MYO1B: variants seen among roughly 807,000 people sequenced by gnomAD.
MYO1B encodes unconventional myosin-Ib.
MYO1B carries 72 observed loss-of-function variants against 159.7 expected under a neutral mutation model. The ratio of observed to expected loss-of-function variants is 0.45; its 90% CI spans 0.37 to 0.55. The LOEUF (loss-of-function observed/expected upper bound fraction) is 0.55, where lower values mean the gene tolerates loss of function less well. Among genes scored for constraint, MYO1B ranks in the 20% least tolerant of loss-of-function variants. The probability of loss-of-function intolerance (pLI) is 0.00; values close to 1 mark genes in which losing one functional copy is unlikely to be tolerated. For missense variants in MYO1B, 1,062 were observed against 1,364.8 expected (o/e 0.78, Z 3.50); for synonymous variants, 468 against 473.8 (o/e 0.99, Z 0.16).
chr2:191,373,852 C>A (rs76119832), intron 13 of MYO1B, among the ~76,000 whole-genome samples: 2,410 of 152,192 alleles, frequency 0.016, 62 homozygotes, highest in African/African-American at 0.055. Flanking sequence ...TTTTTCCCCC[C>A]AGTTCCTTGA....
intron 1 of MYO1B, among the ~76,000 whole-genome samples, chr2:191,259,962 G>A (rs1686694494): frequency 6.6e-6 from 1 of 152,120 alleles, no homozygotes; most frequent in Admixed American, 6.5e-5. Context: ...AGGGGATCAT[G>A]GGCAGCTACG....
intron 13 of MYO1B, among the ~76,000 whole-genome samples, chr2:191,373,605 C>T (rs1350723001): frequency 6.6e-6 from 1 of 152,190 alleles, no homozygotes; most frequent in Non-Finnish European, 1.5e-5. Flanking sequence ...GAAACCCTGT[C>T]TCTACTAAAA....
At chr2:191,419,114 CCTA>C (rs932057989) in intron 30 of MYO1B, among the ~76,000 whole-genome samples, 21 of 152,220 alleles carry the variant, frequency 1.4e-4, no homozygotes, top group African/African-American at 4.8e-4. Flanking sequence ...TGTAAACAAA[CCTA>C]CTTCACTGCC....
At chr2:191,309,532 A>G (rs1047281143) in intron 3 of MYO1B, among the ~76,000 whole-genome samples, 1 of 152,152 alleles carries the variant, frequency 6.6e-6, no homozygotes, top group Non-Finnish European at 1.5e-5. Context: ...TGCTGCTCAC[A>G]AAACCTGCAG....
intron 9 of MYO1B, 99 bp downstream of exon 9, chr2:191,362,470 T>TG: frequency 1.2e-6 from 1 of 808,292 alleles, no homozygotes; most frequent in South Asian, 2.1e-5. Context: ...GTGTAGCTCA[T>TG]TCTCCCTAAG....
intron 2 of MYO1B, among the ~76,000 whole-genome samples, chr2:191,289,085 A>G (rs1450583080): frequency 6.6e-6 from 1 of 152,178 alleles, no homozygotes; most frequent in Non-Finnish European, 1.5e-5. Context: ...GAGAGCAAAC[A>G]TTTTCCCTAT....
chr2:191,402,632 G>C lies in MYO1B; in HGVS notation c.2470G>C (p.Ala824Pro). The C allele has an allele frequency of 6.2e-7, 1 of 1,613,226 alleles. No individual in the cohort carries two copies. The highest frequency in any genetic ancestry group is 8.5e-7 in the Non-Finnish European group (1 of 1,179,488). The change falls in exon 24 of 31, where the codon GCT becomes CCT. Residue 824 changes from alanine to proline, a missense_variant and splice_region_variant. Transcript: ENST00000392318. Reference sequence around the variant, plus strand: ...TTATTTACTATCTAAAACATTCTAGGCTCGAAGGGAATTGAAACGCTTGAA... The same window carrying C: ...TTATTTACTATCTAAAACATTCTAGCCTCGAAGGGAATTGAAACGCTTGAA... The part of the protein sequence containing the change: ...VIWAYWLGSK[A>P]RRELKRLKEE...
At position 191,364,205 on chromosome 2, in the gene MYO1B, G is replaced by A. The variant is rs759473284; in HGVS notation, c.961G>A (p.Glu321Lys). 6.2e-7 allele frequency: 1 copy of A among 1,613,946 alleles called. No homozygotes were observed. Among genetic ancestry groups the A allele is most frequent in the South Asian group, 1.1e-5 (1 of 91,074 alleles). The change falls in exon 11 of 31, where the codon GAA (glutamate) becomes AAA (lysine). Residue 321 changes from glutamate (E) to lysine (K), a missense_variant. Glu to Lys is a moderately conservative substitution (Grantham distance 56). Around this residue, in one of 5 missense-constraint regions of MYO1B, gnomAD observed 415 missense variants for 544.0 expected, o/e 0.76. Transcript: ENST00000392318. ...GACCGGCATTGATCAATCAGTTCTA[G>A]AACGAGCATTCAGTTTCCGAACAGT... is the stretch of plus-strand genomic sequence containing the variant. ...ELTGIDQSVL[E>K]RAFSFRTVEA...
intron 20 of MYO1B, 22 bp from the exon 21 acceptor site, chr2:191,396,407 A>G (rs1574599013): frequency 6.2e-7 from 1 of 1,613,154 alleles, no homozygotes; most frequent in Non-Finnish European, 8.5e-7. Flanking sequence ...AACTGCCAAT[A>G]TCTTCCCCTT....
chr2:191,396,568 G>C, intron 21 of MYO1B, 71 bp downstream of exon 21: 1 of 1,486,590 alleles, frequency 6.7e-7, no homozygotes, highest in South Asian at 1.1e-5. Context: ...ATGTCTTTAG[G>C]GTCACCCTGC....
At chr2:191,360,845 G>T in intron 8 of MYO1B, 116 bp downstream of exon 8, 1 of 673,894 alleles carries the variant, frequency 1.5e-6, no homozygotes, top group East Asian at 2.6e-5. Flanking sequence ...GAGCTCAAGC[G>T]ATTCTCCTGC....
chr2:191,407,020 T>C (rs554475145), intron 24 of MYO1B, among the ~76,000 whole-genome samples: 1 of 152,242 alleles, frequency 6.6e-6, no homozygotes, highest in South Asian at 2.1e-4. Context: ...ACTCGTGTAG[T>C]TTGGAGCGTG....
intron 1 of MYO1B, among the ~76,000 whole-genome samples, chr2:191,269,907 CT>C (rs144389400): frequency 0.054 from 8,162 of 152,038 alleles, 718 homozygotes; most frequent in African/African-American, 0.19. Flanking sequence ...TAAGATTTTT[CT>C]TGTTTTGTTT....
chr2:191,414,324 G>T, intron 28 of MYO1B, 144 bp downstream of exon 28: 2 of 1,165,322 alleles, frequency 1.7e-6, no homozygotes, highest in Non-Finnish European at 2.4e-6. Context: ...TTTAAGCTTA[G>T]GTGGAATTTT....
At chr2:191,399,664 G>A (rs866177838) in intron 21 of MYO1B, among the ~76,000 whole-genome samples, 10 of 152,280 alleles carry the variant, frequency 6.6e-5, no homozygotes, top group South Asian at 6.2e-4. Context: ...GCTGGGTCCC[G>A]AGTCCAGCAA....
At chr2:191,254,218 T>C (rs960075519) in intron 1 of MYO1B, among the ~76,000 whole-genome samples, 1 of 152,162 alleles carries the variant, frequency 6.6e-6, no homozygotes, top group African/African-American at 2.4e-5. Flanking sequence ...TTTATTTATT[T>C]ATTTATTTTT....
intron 23 of MYO1B, among the ~76,000 whole-genome samples, chr2:191,401,140 G>A (rs1284222416): frequency 6.6e-6 from 1 of 151,348 alleles, no homozygotes; most frequent in Non-Finnish European, 1.5e-5. Flanking sequence ...CGCCCCCATT[G>A]ATGAATGCTA....
At chr2:191,402,837 A>G in intron 24 of MYO1B, 119 bp downstream of exon 24, 4 of 700,600 alleles carry the variant, frequency 5.7e-6, no homozygotes, top group Non-Finnish European at 9.0e-6. Context: ...GTAGAATGTC[A>G]TCTTGCTTAA....
chr2:191,334,559 C>T (rs1691704523), intron 4 of MYO1B, among the ~76,000 whole-genome samples: 2 of 152,140 alleles, frequency 1.3e-5, no homozygotes, highest in South Asian at 4.2e-4. Flanking sequence ...GTTTCAGTGC[C>T]CAAATCACCA....
Sources: allele counts gnomAD v4.1 joint callset (sites outside exome capture counted in the v4.1 genomes callset), GRCh38; gene constraint gnomAD v4.1.1; regional missense constraint gnomAD v4.1.1; transcripts MANE v1.5; gene names NCBI Gene and HGNC (gene_info 2026-07-23, HGNC 2026-07-21).